Variants in TNFSF4 observed in about 807,000 individuals in gnomAD.
TNFSF4 encodes the protein TNF superfamily member 4.
TNFSF4 carries 4 observed loss-of-function variants against 7.3 expected under a neutral mutation model. The ratio of observed to expected loss-of-function variants is 0.55; its 90% CI spans 0.27 to 1.25. TNFSF4 has a LOEUF of 1.25. TNFSF4 is among the 50% of genes most tolerant of loss of function. TNFSF4 has a pLI of 0.12. For synonymous variants in TNFSF4, 76 were observed against 83.7 expected, an observed-to-expected ratio of 0.91 and a Z score of 0.50; for missense variants, 181 against 208.8, an observed-to-expected ratio of 0.87 and a Z score of 0.82.
the TNFSF4 span, among the ~76,000 whole-genome samples, chr1:173,280,280 C>G: frequency 1.3e-5 from 2 of 152,092 alleles, no homozygotes; most frequent in African/African-American, 4.8e-5. Flanking sequence ...CTGTTTGTAC[C>G]ATTTTACCAA....
the TNFSF4 span, among the ~76,000 whole-genome samples, chr1:173,412,558 G>C: frequency 1.4e-3 from 209 of 152,230 alleles, 1 homozygote; most frequent in African/African-American, 4.8e-3. Context: ...ACGCAACTAT[G>C]AGCTAAGAAA....
At chr1:173,281,477 C>A in the TNFSF4 span, among the ~76,000 whole-genome samples, 1 of 152,122 alleles carries the variant, frequency 6.6e-6, no homozygotes, top group African/African-American at 2.4e-5. Context: ...CAACATATTT[C>A]ATTTATATGT....
the TNFSF4 span, among the ~76,000 whole-genome samples, chr1:173,447,000 G>A: frequency 5.3e-5 from 8 of 152,100 alleles, no homozygotes; most frequent in Admixed American, 3.3e-4. Context: ...GTCCCTCCAC[G>A]GAGCCCTGAC....
chr1:173,305,602 C>A, the TNFSF4 span, among the ~76,000 whole-genome samples: 2 of 151,738 alleles, frequency 1.3e-5, no homozygotes, highest in East Asian at 3.9e-4. Context: ...CTGCCTCCCC[C>A]ACTTAAAACC....
the TNFSF4 span, among the ~76,000 whole-genome samples, chr1:173,368,703 C>A: frequency 6.6e-6 from 1 of 151,948 alleles, no homozygotes; most frequent in Non-Finnish European, 1.5e-5. Context: ...GGGGTCCCGA[C>A]AACAAGTTGG....
chr1:173,295,776 T>C, the TNFSF4 span, among the ~76,000 whole-genome samples: 3 of 152,056 alleles, frequency 2.0e-5, no homozygotes, highest in African/African-American at 7.2e-5. Context: ...ATTTGGGTCA[T>C]TGTCCCCATA....
chr1:173,313,177 C>A, the TNFSF4 span, among the ~76,000 whole-genome samples: 1 of 152,100 alleles, frequency 6.6e-6, no homozygotes, highest in East Asian at 1.9e-4. Context: ...CATAAAAGAT[C>A]TTGATACATT....
the TNFSF4 span, among the ~76,000 whole-genome samples, chr1:173,309,082 T>A: frequency 6.6e-6 from 1 of 152,042 alleles, no homozygotes; most frequent in African/African-American, 2.4e-5. Flanking sequence ...TATATAGGTG[T>A]GAATTAAATT....
chr1:173,347,649 G>T, the TNFSF4 span, among the ~76,000 whole-genome samples: 1 of 152,082 alleles, frequency 6.6e-6, no homozygotes, highest in African/African-American at 2.4e-5. Context: ...AGAGTTATGT[G>T]TACAGGGTTA....
At chr1:173,416,246 T>C in the TNFSF4 span, among the ~76,000 whole-genome samples, 1 of 152,194 alleles carries the variant, frequency 6.6e-6, no homozygotes, top group African/African-American at 2.4e-5. Flanking sequence ...GCCCAATATG[T>C]CACAGATCTC....
the TNFSF4 span, among the ~76,000 whole-genome samples, chr1:173,378,333 C>T: frequency 0.7 from 105,367 of 151,600 alleles, 36,784 homozygotes; most frequent in African/African-American, 0.77. Flanking sequence ...CTGCTGCATC[C>T]GGGAGCACAA....
the TNFSF4 span, among the ~76,000 whole-genome samples, chr1:173,397,551 T>C: frequency 9.2e-5 from 14 of 152,296 alleles, no homozygotes; most frequent in Admixed American, 7.8e-4. Flanking sequence ...GTTCATCTCA[T>C]AGTGGGCCCT....
At chr1:173,226,119 C>A in the TNFSF4 span, among the ~76,000 whole-genome samples, 1 of 152,084 alleles carries the variant, frequency 6.6e-6, no homozygotes, top group Non-Finnish European at 1.5e-5. Flanking sequence ...ATTATATGTA[C>A]ATCATCCTTC....
chr1:173,217,882 G>A, the TNFSF4 span, among the ~76,000 whole-genome samples: 1 of 151,990 alleles, frequency 6.6e-6, no homozygotes, highest in African/African-American at 2.4e-5. Context: ...CTGAGTAGCT[G>A]GGACACAGGA....
the TNFSF4 span, among the ~76,000 whole-genome samples, chr1:173,436,665 C>T: frequency 6.6e-6 from 1 of 152,148 alleles, no homozygotes; most frequent in African/African-American, 2.4e-5. Context: ...GCCTTGTCCT[C>T]CCAAAGTGCT....
the TNFSF4 span, among the ~76,000 whole-genome samples, chr1:173,264,871 A>G: frequency 3.3e-5 from 5 of 152,202 alleles, no homozygotes; most frequent in African/African-American, 7.2e-5. Flanking sequence ...ATTCAGTGAC[A>G]TTAGTTGGAG....
the TNFSF4 span, among the ~76,000 whole-genome samples, chr1:173,394,985 CACAT>C: frequency 2.6e-5 from 3 of 114,938 alleles, no homozygotes; most frequent in African/African-American, 1.2e-4. Flanking sequence ...TAATAGAGGA[CACAT>C]AGATAGATAG....
chr1:173,415,176 G>A, the TNFSF4 span, among the ~76,000 whole-genome samples: 2,310 of 152,294 alleles, frequency 0.015, 58 homozygotes, highest in African/African-American at 0.053. Context: ...TAAAGTGTTC[G>A]TTGCTGTTTT....
the TNFSF4 span, among the ~76,000 whole-genome samples, chr1:173,230,486 T>C: frequency 2.6e-5 from 4 of 152,158 alleles, no homozygotes; most frequent in African/African-American, 9.7e-5. Flanking sequence ...AGGAAAGATC[T>C]AAAATTGACA....
Sources: gnomAD v4.1 joint callset for allele counts (sites outside exome capture counted in the v4.1 genomes callset) on GRCh38, gnomAD v4.1.1 for gene constraint, MANE v1.5 for transcripts, NCBI Gene and HGNC (gene_info 2026-07-23, HGNC 2026-07-21) for gene names.